The following RYR3 variants were observed in gnomAD, a reference collection of about 807,000 sequenced individuals.
RYR3 encodes brain ryanodine receptor-calcium release channel.
Under a neutral mutation model 584.3 loss-of-function variants are expected in RYR3, and 207 were observed. The ratio of observed to expected loss-of-function variants is 0.35; its 90% CI spans 0.32 to 0.40. RYR3 has a LOEUF of 0.40. RYR3 is among the 10% of genes least tolerant of loss of function. The pLI is 1.00. For missense variants in RYR3, 5,616 were observed against 6,089.2 expected (o/e 0.92, Z 2.59); for synonymous variants, 2,416 against 2,248.5 (o/e 1.07, Z -2.11).
At position 33,865,165 on chromosome 15, in the gene RYR3, G is replaced by C. The variant is rs768369103; in HGVS notation, c.14552G>C (p.Cys4851Ser). The C allele has an allele frequency of 7.4e-6, 12 of 1,613,788 alleles. No homozygotes were observed. The highest frequency in any genetic ancestry group is 1.0e-5 in the Non-Finnish European group (12 of 1,179,808). ...SYVWKMYQER[C>S]WDFFPAGDCF... is the part of the protein sequence containing the mutation. ...GTCTGGAAGATGTACCAAGAAAGGT[G>C]TTGGGATTTCTTCCCAGCCGGTGAC... is the stretch of plus-strand genomic sequence containing the variant. Residue 4851 changes from cysteine to serine, a missense_variant, in exon 104 of 104, where the codon TGT (cysteine) becomes TCT (serine). Physicochemically the swap from Cys to Ser is moderately radical, Grantham distance 112. Around this residue, in one of 9 missense-constraint regions of RYR3, gnomAD observed 918 missense variants for 887.4 expected, o/e 1.03. Transcript: ENST00000634891.
At chr15:33,719,110 C>G (rs1024909592) in intron 43 of RYR3, among the ~76,000 whole-genome samples, 12 of 152,190 alleles carry the variant, frequency 7.9e-5, no homozygotes, top group African/African-American at 2.2e-4. Context: ...TTTGGAAATT[C>G]TTTTCCTTGG....
intron 1 of RYR3, among the ~76,000 whole-genome samples, chr15:33,387,195 T>C (rs2041666021): frequency 6.6e-6 from 1 of 152,216 alleles, no homozygotes; most frequent in African/African-American, 2.4e-5. Flanking sequence ...TACTCCCTTG[T>C]ATGTATATAC....
intron 10 of RYR3, among the ~76,000 whole-genome samples, chr15:33,558,815 T>C (rs554702307): frequency 5.3e-5 from 8 of 152,092 alleles, no homozygotes; most frequent in Non-Finnish European, 1.2e-4. Flanking sequence ...AAAAGAACAC[T>C]TGTTACTCAC....
chr15:33,581,742 C>A, intron 14 of RYR3, 99 bp downstream of exon 14: 1 of 1,019,870 alleles, frequency 9.8e-7, no homozygotes, highest in Non-Finnish European at 1.5e-6. Context: ...CCCTGTGATA[C>A]TTGGACTGCC....
At chr15:33,503,791 A>G in intron 3 of RYR3, 53 bp downstream of exon 3, 1 of 1,015,742 alleles carries the variant, frequency 9.8e-7, no homozygotes, top group Non-Finnish European at 1.5e-6. Flanking sequence ...CACATCCCCA[A>G]AATACGTTCT....
intron 10 of RYR3, among the ~76,000 whole-genome samples, chr15:33,554,364 C>T (rs562800184): frequency 4.4e-4 from 65 of 148,758 alleles, no homozygotes; most frequent in African/African-American, 1.4e-3. Flanking sequence ...GGTGCGATCT[C>T]GACTCACTGC....
chr15:33,857,919 G>A lies in RYR3; in HGVS notation c.14142+5G>A. 1 of 1,613,334 alleles carries A rather than the reference G, an allele frequency of 6.2e-7. No individual in the cohort carries two copies. The highest frequency in any genetic ancestry group is 8.5e-7 in the Non-Finnish European group (1 of 1,179,934). ...AAGTGCGACGACATGATGACGGTGA[G>A]AGCCCACCCACTGCGGGGCCAGCCC... On this transcript the variant is annotated splice_donor_5th_base_variant and intron_variant, in intron 99 of 103. Transcript: ENST00000634891.
At chr15:33,684,510 A>G (rs2064853908) in intron 38 of RYR3, among the ~76,000 whole-genome samples, 1 of 152,214 alleles carries the variant, frequency 6.6e-6, no homozygotes. Context: ...TCAAAGACCA[A>G]AGGTAGATAA....
At position 33,659,700 on chromosome 15, in the gene RYR3, C is replaced by A. The variant is rs376054671; in HGVS notation, c.4309-20C>A. 1.3e-6 allele frequency: 2 copies of A among 1,557,780 alleles called. No individual in the cohort carries two copies. The highest frequency in any genetic ancestry group is 1.7e-4 in the Middle Eastern group (1 of 5,930). On this transcript the variant is annotated intron_variant, in intron 32 of 103. Coordinates refer to ENST00000634891, the MANE Select transcript of RYR3 (RefSeq NM_001036.6). Reference sequence around the variant, plus strand: ...TTTGTCCAGCTCTGGGCAAAGCTTTCGATTTGTTTTGATTTCCAGGTGGAG... The same window carrying A: ...TTTGTCCAGCTCTGGGCAAAGCTTTAGATTTGTTTTGATTTCCAGGTGGAG...
At position 33,540,819 on chromosome 15, in the gene RYR3, A is replaced by G; in HGVS notation, c.575A>G (p.Gln192Arg). 1.9e-6 allele frequency: 3 copies of G among 1,611,652 alleles called. No homozygotes were observed. The highest frequency in any genetic ancestry group is 8.5e-7 in the Non-Finnish European group (1 of 1,177,928). Residue 192 changes from glutamine (Q) to arginine (R), a missense_variant, in exon 7 of 104, where the codon CAA becomes CGA. Coordinates refer to ENST00000634891, the MANE Select transcript of RYR3 (RefSeq NM_001036.6). ...LHLSVSNGNI[Q>R]VDASFMQTLW... is the part of the protein sequence containing the mutation. Reference sequence around the variant, plus strand: ...CTCTCAGTATCAAATGGTAACATACAAGTGGATGCCTCCTTTATGCAAACA... The same window carrying G: ...CTCTCAGTATCAAATGGTAACATACGAGTGGATGCCTCCTTTATGCAAACA...
At chr15:33,450,126 G>GC (rs1341685930) in intron 1 of RYR3, among the ~76,000 whole-genome samples, 1 of 131,834 alleles carries the variant, frequency 7.6e-6, no homozygotes, top group East Asian at 2.4e-4. Context: ...GCAACTGTGA[G>GC]CATTAGCAGT....
intron 103 of RYR3, 119 bp downstream of exon 103, chr15:33,864,308 T>TC (rs750228812): frequency 4.0e-6 from 3 of 749,464 alleles, no homozygotes; most frequent in Non-Finnish European, 6.4e-6. Flanking sequence ...GAATGCATTT[T>TC]CCCATCACCT....
chr15:33,647,988 CAAAAA>C (rs3085194), intron 30 of RYR3, among the ~76,000 whole-genome samples: 3 of 98,324 alleles, frequency 3.1e-5, no homozygotes, highest in African/African-American at 7.5e-5. Context: ...TAGCATCTGG[CAAAAA>C]AAAAAAAAAA....
Position 33,731,722 on chromosome 15 carries a change from C to G in RYR3, c.7424+28C>G, listed in dbSNP as rs748371745. 129 of 1,427,714 alleles carry G rather than the reference C, an allele frequency of 9.0e-5. No homozygotes were observed. In the South Asian group the frequency reaches 1.4e-3, roughly 16 times the overall value. 88.4% of individuals were successfully genotyped at this position (1,427,714 alleles called of 1,614,324 possible). ...AAGTACATATCCTATGTTGTTACTT[C>G]TGTGTATGCATCCAGGTCAACTGCA... On this transcript the variant is annotated intron_variant, in intron 48 of 103. Coordinates refer to ENST00000634891, the MANE Select transcript of RYR3 (RefSeq NM_001036.6).
At chr15:33,859,199 A>G (rs118084606) in intron 99 of RYR3, 5,606 of 177,286 alleles carry the variant, frequency 0.032, 175 homozygotes, top group Non-Finnish European at 0.037. Context: ...AAGAGGGGGG[A>G]CCTTTTTGCA....
intron 27 of RYR3, among the ~76,000 whole-genome samples, chr15:33,637,859 T>A (rs1257486056): frequency 1.3e-5 from 2 of 152,200 alleles, no homozygotes; most frequent in African/African-American, 4.8e-5. Flanking sequence ...CGTGCAGGTT[T>A]GTTACATATG....
At position 33,563,009 on chromosome 15, in the gene RYR3, A is replaced by T. The variant is rs1414882876; in HGVS notation, c.1145A>T (p.Lys382Met). Residue 382 changes from lysine (K) to methionine (M), a missense_variant and splice_region_variant, in exon 11 of 104, where the codon AAG becomes ATG. Lys to Met is a moderately conservative substitution (Grantham distance 95). Coordinates refer to ENST00000634891, the MANE Select transcript of RYR3 (RefSeq NM_001036.6). ...TCCCGCCTGGGACCTCTAAAAAGAA[A>T]GGTGAGAGTCAGAATATCTGTCTAC... ...KTSRLGPLKR[K>M]VILHQEGHMD... is the part of the protein sequence containing the mutation. The T allele has an allele frequency of 6.8e-6, 11 of 1,607,936 alleles. No homozygotes were observed. Among genetic ancestry groups the T allele is most frequent in the Non-Finnish European group, 9.3e-6 (11 of 1,176,780 alleles).
At chr15:33,524,211 G>A (rs942607517) in intron 3 of RYR3, among the ~76,000 whole-genome samples, 2 of 152,238 alleles carry the variant, frequency 1.3e-5, no homozygotes, top group South Asian at 2.1e-4. Context: ...TCAGTGGTTC[G>A]GCAGCCAGCC....
chr15:33,626,959 A>C (rs2061021384), intron 20 of RYR3, among the ~76,000 whole-genome samples: 1 of 152,128 alleles, frequency 6.6e-6, no homozygotes. Context: ...TGTGGAAGGA[A>C]AATGTGGGAT....
Sources: gnomAD v4.1 joint callset for allele counts (sites outside exome capture counted in the v4.1 genomes callset) on GRCh38, gnomAD v4.1.1 for gene constraint, gnomAD v4.1.1 regional missense constraint, MANE v1.5 for transcripts, NCBI Gene and HGNC (gene_info 2026-07-23, HGNC 2026-07-21) for gene names.